The following TRA2A variants were observed in gnomAD, a reference collection of about 807,000 sequenced individuals.
TRA2A encodes the protein transformer 2 alpha homolog.
Under a neutral mutation model 45.7 loss-of-function variants are expected in TRA2A, and 31 were observed. That is an observed-to-expected ratio of 0.68 (90% CI 0.51 to 0.92). The LOEUF is 0.92. TRA2A is among the 40% of genes least tolerant of loss of function. TRA2A has a pLI of 0.00. For missense variants in TRA2A, 304 were observed against 367.5 expected, an observed-to-expected ratio of 0.83 and a Z score of 1.41; for synonymous variants, 132 against 126.2, an observed-to-expected ratio of 1.05 and a Z score of -0.31.
intron 2 of TRA2A, among the ~76,000 whole-genome samples, chr7:23,519,306 A>G (rs1339614698): frequency 6.6e-6 from 1 of 152,198 alleles, no homozygotes; most frequent in Non-Finnish European, 1.5e-5. Flanking sequence ...AGGCAAGAGA[A>G]TCACTTGAAC....
At chr7:23,524,615 T>C (rs1057145997) in intron 1 of TRA2A, among the ~76,000 whole-genome samples, 2 of 152,184 alleles carry the variant, frequency 1.3e-5, no homozygotes, top group African/African-American at 4.8e-5. Flanking sequence ...AATTTCTTCA[T>C]GGAAACATCT....
In TRA2A at chr7:23,505,218, C is replaced by T. The variant is rs962371645; in HGVS notation, c.*341G>A. The T allele has an allele frequency of 1.2e-5, 3 of 242,742 alleles. No individual in the cohort carries two copies. The highest frequency in any genetic ancestry group is 2.3e-5 in the Non-Finnish European group (3 of 129,772). 15.0% of individuals were successfully genotyped at this position (242,742 alleles called of 1,614,324 possible). A position where few individuals can be genotyped will look rare whatever the true frequency, so the allele number is the denominator to read the frequency against. ...CAGATCTCTAATACAGTATCTAACA[C>T]AAAAGAAGCTTTAAAAAGACAGTTT... is the stretch of plus-strand genomic sequence containing the variant. On this transcript the variant is annotated 3_prime_UTR_variant, in exon 8 of 8. Transcript: ENST00000297071.
At chr7:23,521,396 T>C (rs985839364) in intron 2 of TRA2A, among the ~76,000 whole-genome samples, 6 of 152,194 alleles carry the variant, frequency 3.9e-5, no homozygotes, top group African/African-American at 1.4e-4. Context: ...TTTGTACTGG[T>C]TGCAACTATC....
At chr7:23,508,209 A>T (rs1054512570) in intron 4 of TRA2A, among the ~76,000 whole-genome samples, 5 of 151,570 alleles carry the variant, frequency 3.3e-5, no homozygotes, top group African/African-American at 1.2e-4. Context: ...AACTAATAAA[A>T]ACTACACAAT....
intron 2 of TRA2A, among the ~76,000 whole-genome samples, chr7:23,518,912 C>CCT (rs1376759190): frequency 6.6e-6 from 1 of 152,070 alleles, no homozygotes; most frequent in East Asian, 1.9e-4. Context: ...GTCTAGAACT[C>CCT]CTGACCTCAA....
chr7:23,528,295 G>A (rs1790422613), intron 1 of TRA2A, among the ~76,000 whole-genome samples: 2 of 151,942 alleles, frequency 1.3e-5, no homozygotes, highest in African/African-American at 2.4e-5. Context: ...TGCAACCTCC[G>A]CCTCCCGGGT....
intron 1 of TRA2A, chr7:23,531,574 C>G: frequency 1.7e-6 from 1 of 603,044 alleles, no homozygotes; most frequent in East Asian, 2.8e-5. Context: ...GTCCAGGTAT[C>G]AGTCAGCCTC....
At chr7:23,519,588 G>C (rs1006003363) in intron 2 of TRA2A, among the ~76,000 whole-genome samples, 1 of 152,074 alleles carries the variant, frequency 6.6e-6, no homozygotes, top group Admixed American at 6.6e-5. Flanking sequence ...CTCTTCAACA[G>C]TCTCTACTTT....
At chr7:23,531,659 G>C in intron 1 of TRA2A, 130 bp downstream of exon 1, 1 of 925,514 alleles carries the variant, frequency 1.1e-6, no homozygotes, top group Non-Finnish European at 1.7e-6. Flanking sequence ...GGGATGGGAG[G>C]AATCAATCGC....
chr7:23,512,498 G>A (rs1393692675), intron 4 of TRA2A, among the ~76,000 whole-genome samples: 3 of 151,754 alleles, frequency 2.0e-5, no homozygotes, highest in African/African-American at 7.3e-5. Flanking sequence ...TCACTGTGTC[G>A]CCCAGGCTGG....
At chr7:23,529,703 G>C (rs1283383238) in intron 1 of TRA2A, among the ~76,000 whole-genome samples, 1 of 152,072 alleles carries the variant, frequency 6.6e-6, no homozygotes, top group African/African-American at 2.4e-5. Context: ...GAGCCTACAA[G>C]CACTAGTTGA....
intron 1 of TRA2A, chr7:23,531,541 C>A (rs573668505): frequency 2.1e-5 from 12 of 574,014 alleles, no homozygotes; most frequent in Non-Finnish European, 3.4e-5. Context: ...AATGCGGGGG[C>A]GGGGAGGGAA....
Position 23,507,518 on chromosome 7 carries a change from A to G in TRA2A, c.543T>C (p.Asn181=). Residue 181 remains asparagine (N), a synonymous_variant, in exon 5 of 8, where the codon AAT becomes AAC. Transcript: ENST00000297071. ...DDSKEAMERA[N]GMELDGRRIR... The stretch of plus-strand genomic sequence containing the variant: ...TTCTTCTACCATCCAGCTCCATTCC[A>G]TTTGCCCTTTCCATAGCCTATAAAG... 2 of 1,614,064 alleles carry G rather than the reference A, an allele frequency of 1.2e-6. No homozygotes were observed. The highest frequency in any genetic ancestry group is 8.5e-7 in the Non-Finnish European group (1 of 1,179,984).
chr7:23,531,746 C>T, intron 1 of TRA2A, 43 bp downstream of exon 1: 3 of 1,610,794 alleles, frequency 1.9e-6, no homozygotes, highest in Non-Finnish European at 2.5e-6. Context: ...AAACCCCGAG[C>T]ATTGGGCCGC....
At chr7:23,518,510 T>C (rs988065903) in intron 2 of TRA2A, among the ~76,000 whole-genome samples, 1 of 151,598 alleles carries the variant, frequency 6.6e-6, no homozygotes, top group African/African-American at 2.4e-5. Context: ...CCCAGCTAAT[T>C]TTTGTGTTTT....
In TRA2A at chr7:23,505,727, A is replaced by T; in HGVS notation, c.838+19T>A. On this transcript the variant is annotated intron_variant, in intron 7 of 7. Transcript: ENST00000297071. ...TTAGAAATGAGGTTTTTTATGCTAC[A>T]AAAGTAAAGTTCACATACTTGGGCT... The T allele has an allele frequency of 6.6e-7, 1 of 1,512,118 alleles. No individual in the cohort carries two copies. The highest frequency in any genetic ancestry group is 8.9e-7 in the Non-Finnish European group (1 of 1,123,910). 93.7% of individuals were successfully genotyped at this position (1,512,118 alleles called of 1,614,324 possible).
At chr7:23,517,477 CAAAAAAAAAAAAA>C (rs70954385) in intron 2 of TRA2A, among the ~76,000 whole-genome samples, 18 of 13,934 alleles carry the variant, frequency 1.3e-3, no homozygotes, top group African/African-American at 1.5e-3. Context: ...GACTACGTCT[CAAAAAAAAAAAAA>C]AAAAAAAAAA....
chr7:23,516,593 A>T, intron 2 of TRA2A, 65 bp from the exon 3 acceptor site: 1 of 1,449,252 alleles, frequency 6.9e-7, no homozygotes, highest in Non-Finnish European at 9.7e-7. Flanking sequence ...TCCCTCTTCC[A>T]AGAAGGTATA....
Position 23,505,211 on chromosome 7 carries a change from T to C in TRA2A, c.*348A>G. 4.2e-6 allele frequency: 1 copy of C among 235,666 alleles called. No homozygotes were observed. Among genetic ancestry groups the C allele is most frequent in the Non-Finnish European group, 8.0e-6 (1 of 124,414 alleles). 14.6% of individuals were successfully genotyped at this position (235,666 alleles called of 1,614,324 possible). A position where few individuals can be genotyped will look rare whatever the true frequency, so the allele number is the denominator to read the frequency against. Reference sequence around the variant, plus strand: ...ATAAATGCAGATCTCTAATACAGTATCTAACACAAAAGAAGCTTTAAAAAG... The same window carrying C: ...ATAAATGCAGATCTCTAATACAGTACCTAACACAAAAGAAGCTTTAAAAAG... On this transcript the variant is annotated 3_prime_UTR_variant, in exon 8 of 8. Coordinates refer to ENST00000297071, the MANE Select transcript of TRA2A (RefSeq NM_013293.5).
Sources: gnomAD v4.1 joint callset for allele counts (sites outside exome capture counted in the v4.1 genomes callset) on GRCh38, gnomAD v4.1.1 for gene constraint, MANE v1.5 for transcripts, NCBI Gene and HGNC (gene_info 2026-07-23, HGNC 2026-07-21) for gene names.